Variants in R3HDM1 observed in about 807,000 individuals in gnomAD.
R3HDM1 encodes the protein R3H domain containing 1.
In R3HDM1, 46 loss-of-function variants were observed where a neutral mutation model predicts 141.1. The ratio of observed to expected loss-of-function variants is 0.33; its 90% CI spans 0.26 to 0.42. R3HDM1 has a LOEUF of 0.42. R3HDM1 is among the 10% of genes least tolerant of loss of function. The probability of loss-of-function intolerance (pLI) is 1.00; values close to 1 mark genes in which losing one functional copy is unlikely to be tolerated. For missense variants in R3HDM1, 1,184 were observed against 1,368.3 expected (o/e 0.87, Z 2.12); for synonymous variants, 435 against 472.9 (o/e 0.92, Z 1.04).
chr2:135,627,154 T>TTC (rs2062129735), intron 7 of R3HDM1, among the ~76,000 whole-genome samples: 1 of 152,204 alleles, frequency 6.6e-6, no homozygotes, highest in African/African-American at 2.4e-5. Context: ...TGATTCAGTA[T>TTC]TCTCTCTCAG....
At chr2:135,718,209 G>A (rs1248250393) in intron 24 of R3HDM1, among the ~76,000 whole-genome samples, 1 of 152,174 alleles carries the variant, frequency 6.6e-6, no homozygotes, top group African/African-American at 2.4e-5. Flanking sequence ...GGGACTGGAG[G>A]GAACTCTTCC....
At chr2:135,665,005 A>C (rs564815458) in intron 19 of R3HDM1, among the ~76,000 whole-genome samples, 1 of 152,288 alleles carries the variant, frequency 6.6e-6, no homozygotes. Flanking sequence ...AAAACTCCAT[A>C]ATTCTTTGTG....
chr2:135,600,954 C>T (rs2059577089), intron 1 of R3HDM1, among the ~76,000 whole-genome samples: 1 of 152,192 alleles, frequency 6.6e-6, no homozygotes, highest in South Asian at 2.1e-4. Context: ...TCACTCTCCC[C>T]TGCAGCTATT....
chr2:135,643,821 T>A (rs914755520), intron 15 of R3HDM1, among the ~76,000 whole-genome samples: 3 of 152,188 alleles, frequency 2.0e-5, no homozygotes, highest in African/African-American at 7.2e-5. Context: ...GGAACACAGA[T>A]GGAATTGGAG....
At chr2:135,694,391 G>A (rs2072920479) in intron 21 of R3HDM1, among the ~76,000 whole-genome samples, 2 of 152,106 alleles carry the variant, frequency 1.3e-5, no homozygotes, top group Admixed American at 1.3e-4. Flanking sequence ...GGCATCTTAC[G>A]TGGTATCAGG....
In R3HDM1 at chr2:135,725,035, C is replaced by T. The variant is rs574473660; in HGVS notation, c.*743C>T. 6.6e-6 allele frequency: 1 copy of T among 152,384 alleles called. No homozygotes were observed. The highest frequency in any genetic ancestry group is 6.6e-5 in the Admixed American group (1 of 15,260). 9.4% of individuals were successfully genotyped at this position (152,384 alleles called of 1,614,324 possible). ...CTAATAACTAAATGCCACTTATTTG[C>T]ATTCTCCTTGTGGATTTTTTGTCAC... On this transcript the variant is annotated 3_prime_UTR_variant, in exon 27 of 27. Transcript: ENST00000683871.
At chr2:135,588,965 G>A (rs575247009) in intron 1 of R3HDM1, among the ~76,000 whole-genome samples, 9 of 152,158 alleles carry the variant, frequency 5.9e-5, no homozygotes, top group East Asian at 3.9e-4. Context: ...AGAAAGTTGC[G>A]AAAACAGTAC....
In R3HDM1 at chr2:135,670,138, CAAA is replaced by C. The variant is rs869047478; in HGVS notation, c.2153-5176_2153-5174del. 4.0e-3 allele frequency: 390 copies of C among 97,434 alleles called. 1 individual carries two copies. Among genetic ancestry groups the C allele is most frequent in the Middle Eastern group, 9.6e-3 (2 of 208 alleles). 6.0% of individuals were successfully genotyped at this position (97,434 alleles called of 1,614,324 possible). ...GAGCAGACAGAGCAAGACTCAGTCT[CAAA>C]AAAAAAAAAAAAAAAAACCAACAAA... On this transcript the variant is annotated intron_variant, in intron 19 of 26. Coordinates refer to ENST00000683871, the MANE Select transcript of R3HDM1 (RefSeq NM_001378107.1).
intron 16 of R3HDM1, among the ~76,000 whole-genome samples, chr2:135,649,693 A>C (rs1489096075): frequency 6.6e-6 from 1 of 152,186 alleles, no homozygotes; most frequent in African/African-American, 2.4e-5. Flanking sequence ...TTATGTAATA[A>C]ATTCAGGCGT....
At chr2:135,543,161 A>G in intron 1 of R3HDM1, 1 of 860,352 alleles carries the variant, frequency 1.2e-6, no homozygotes, top group South Asian at 5.4e-5. Context: ...ATGGTGTGAG[A>G]TAGGGGTTCA....
intron 1 of R3HDM1, among the ~76,000 whole-genome samples, chr2:135,531,960 G>A (rs1259400124): frequency 6.6e-6 from 1 of 152,216 alleles, no homozygotes; most frequent in African/African-American, 2.4e-5. Context: ...ACCCCTCGAG[G>A]CCTAGCGGAG....
chr2:135,598,885 C>G (rs997548296), intron 1 of R3HDM1, among the ~76,000 whole-genome samples: 1 of 152,002 alleles, frequency 6.6e-6, no homozygotes, highest in Non-Finnish European at 1.5e-5. Flanking sequence ...ACATTTTGAC[C>G]CTTTCATGTT....
At chr2:135,622,194 A>T in intron 6 of R3HDM1, 1 of 985,038 alleles carries the variant, frequency 1.0e-6, no homozygotes, top group African/African-American at 1.7e-5. Context: ...CCTGACAAAA[A>T]TCAAATTCTT....
At chr2:135,598,785 T>C (rs1340605444) in intron 1 of R3HDM1, among the ~76,000 whole-genome samples, 2 of 152,174 alleles carry the variant, frequency 1.3e-5, no homozygotes, top group Non-Finnish European at 2.9e-5. Context: ...GTTTTGATGG[T>C]AGTTGTTTGT....
Position 135,641,774 on chromosome 2 carries a change from G to C in R3HDM1, c.1458G>C (p.Leu486=). Residue 486 remains leucine, a synonymous_variant, in exon 15 of 27, where the codon CTG becomes CTC. Transcript: ENST00000683871. ...EAAGIPPGSI[L]INPQTGQPFI... ...CAGGCATACCACCTGGCAGTATTCT[G>C]ATCAACCCACAAACAGGTTGGTATC... 1 of 1,613,350 alleles carries C rather than the reference G, an allele frequency of 6.2e-7. No homozygotes were observed. The highest frequency in any genetic ancestry group is 2.2e-5 in the East Asian group (1 of 44,874).
chr2:135,645,671 T>C (rs976896502), intron 16 of R3HDM1, 144 bp downstream of exon 16: 2 of 987,182 alleles, frequency 2.0e-6, no homozygotes, highest in Non-Finnish European at 1.5e-6. Flanking sequence ...TCACTACTCA[T>C]AGGAAAAGAG....
At chr2:135,676,123 C>G (rs2069136965) in intron 20 of R3HDM1, among the ~76,000 whole-genome samples, 1 of 152,130 alleles carries the variant, frequency 6.6e-6, no homozygotes, top group Non-Finnish European at 1.5e-5. Context: ...ATCAAGAGTT[C>G]CAGGTCAGCC....
At chr2:135,552,491 C>T (rs768586344) in intron 1 of R3HDM1, among the ~76,000 whole-genome samples, 23 of 152,210 alleles carry the variant, frequency 1.5e-4, no homozygotes, top group Non-Finnish European at 2.6e-4. Context: ...CCACCACACG[C>T]GGCCTAATCC....
At chr2:135,702,690 G>A (rs990917881) in intron 21 of R3HDM1, among the ~76,000 whole-genome samples, 3 of 151,160 alleles carry the variant, frequency 2.0e-5, no homozygotes, top group Admixed American at 1.3e-4. Context: ...GGTGATGTGT[G>A]CCTGTAATCC....
Sources: allele counts gnomAD v4.1 joint callset (sites outside exome capture counted in the v4.1 genomes callset), GRCh38; gene constraint gnomAD v4.1.1; transcripts MANE v1.5; gene names NCBI Gene and HGNC (gene_info 2026-07-23, HGNC 2026-07-21).